NRXN1: variants seen among roughly 807,000 people sequenced by gnomAD.
The protein encoded by NRXN1 is neurexin 1.
A neutral mutation model predicts 150.9 loss-of-function variants in NRXN1; 39 were observed. That is an observed-to-expected ratio of 0.26 (90% confidence interval 0.20 to 0.34). The LOEUF (loss-of-function observed/expected upper bound fraction) is 0.34, where lower values mean the gene tolerates loss of function less well. Ranked by LOEUF, NRXN1 falls within the 10% of genes least tolerant of loss-of-function variation. The pLI is 1.00. For missense variants in NRXN1, 1,815 were observed against 1,949.9 expected, an observed-to-expected ratio of 0.93 and a Z score of 1.30; for synonymous variants, 924 against 757.0, an observed-to-expected ratio of 1.22 and a Z score of -3.62.
chr2:50,619,768 C>A (rs1679661583), intron 8 of NRXN1: 1 of 416,484 alleles, frequency 2.4e-6, no homozygotes, highest in South Asian at 1.2e-4. Flanking sequence ...TCTTTTATAG[C>A]TAATATCAAC....
At chr2:50,545,695 T>G (rs780194262) in intron 9 of NRXN1, among the ~76,000 whole-genome samples, 1 of 152,152 alleles carries the variant, frequency 6.6e-6, no homozygotes, top group Non-Finnish European at 1.5e-5. Context: ...TATAATCAAA[T>G]ATTACTTATT....
chr2:50,323,654 G>T (rs1057198309), intron 17 of NRXN1, among the ~76,000 whole-genome samples: 10 of 151,604 alleles, frequency 6.6e-5, no homozygotes, highest in African/African-American at 2.4e-4. Flanking sequence ...CCTTACAAAT[G>T]GTTCAGTGAA....
At chr2:50,040,387 C>T (rs541586221) in intron 21 of NRXN1, among the ~76,000 whole-genome samples, 8 of 150,938 alleles carry the variant, frequency 5.3e-5, no homozygotes, top group African/African-American at 1.9e-4. Flanking sequence ...ATTTTATACA[C>T]ATACAGACAT....
chr2:50,070,519 C>T (rs1317417623), intron 19 of NRXN1, among the ~76,000 whole-genome samples: 1 of 151,796 alleles, frequency 6.6e-6, no homozygotes, highest in Admixed American at 6.6e-5. Flanking sequence ...GCCTGTAATC[C>T]CAGCACTTTG....
At chr2:50,811,337 G>A (rs1028759402) in intron 5 of NRXN1, among the ~76,000 whole-genome samples, 4 of 152,080 alleles carry the variant, frequency 2.6e-5, no homozygotes, top group African/African-American at 4.8e-5. Context: ...AGTATTGTCT[G>A]CAACCAAGAT....
Position 50,328,367 on chromosome 2 carries a change from C to T in NRXN1, c.3365-91397G>A, listed in dbSNP as rs185213195. Among the ~76,000 whole-genome samples, 237 of 152,260 alleles carry T rather than the reference C, an allele frequency of 1.6e-3. 2 individuals are homozygous for T. Among genetic ancestry groups the T allele is most frequent in the African/African-American group, 5.4e-3 (223 of 41,554 alleles). On this transcript the variant is annotated intron_variant, in intron 17 of 22. Coordinates refer to ENST00000401669, the MANE Select transcript of NRXN1 (RefSeq NM_001330078.2). The stretch of plus-strand genomic sequence containing the variant: ...AACACCTCAGCACCAAGGCTAGTAA[C>T]AGAAGAGATGAATGACTTAATAACA...
At chr2:50,780,299 C>T (rs996815669) in intron 5 of NRXN1, among the ~76,000 whole-genome samples, 7 of 152,064 alleles carry the variant, frequency 4.6e-5, no homozygotes, top group Non-Finnish European at 1.0e-4. Context: ...ATACAGATTG[C>T]TTTGTAATGT....
chr2:50,738,894 G>A (rs2105256765), intron 5 of NRXN1, among the ~76,000 whole-genome samples: 1 of 152,258 alleles, frequency 6.6e-6, no homozygotes, highest in South Asian at 2.1e-4. Flanking sequence ...TGCATAGCAA[G>A]AAGAGTTCTG....
intron 18 of NRXN1, among the ~76,000 whole-genome samples, chr2:50,130,570 A>G (rs1705318774): frequency 6.6e-6 from 1 of 152,194 alleles, no homozygotes; most frequent in Non-Finnish European, 1.5e-5. Context: ...ATGCTGTTAC[A>G]TAATATATTC....
chr2:50,367,991 T>C (rs1054198434), intron 17 of NRXN1, among the ~76,000 whole-genome samples: 1 of 152,030 alleles, frequency 6.6e-6, no homozygotes, highest in Non-Finnish European at 1.5e-5. Flanking sequence ...ATTAAATGTA[T>C]ACAAGCAACA....
At chr2:50,631,832 TTCAATTTCTGGGACTGAC>T (rs1189366200) in intron 5 of NRXN1, among the ~76,000 whole-genome samples, 3 of 151,882 alleles carry the variant, frequency 2.0e-5, no homozygotes, top group Non-Finnish European at 4.4e-5. Flanking sequence ...TGTGCAACAT[TTCAATTTCTGGGACTGAC>T]TCAGATTCAA....
intron 21 of NRXN1, among the ~76,000 whole-genome samples, chr2:49,955,850 T>A (rs1173284613): frequency 1.3e-5 from 2 of 152,114 alleles, no homozygotes; most frequent in Non-Finnish European, 2.9e-5. Context: ...ACTAATCAAA[T>A]CTATATCTAC....
chr2:50,230,569 G>A (rs1299177956), intron 18 of NRXN1, among the ~76,000 whole-genome samples: 3 of 152,008 alleles, frequency 2.0e-5, no homozygotes, highest in African/African-American at 7.2e-5. Context: ...GAGAAAGTGA[G>A]GCAGCAGTAC....
intron 21 of NRXN1, among the ~76,000 whole-genome samples, chr2:49,968,541 C>T (rs184075088): frequency 7.2e-5 from 11 of 152,104 alleles, no homozygotes; most frequent in Admixed American, 2.0e-4. Flanking sequence ...CTAGTACCCT[C>T]GGTGTCCGTA....
chr2:51,006,774 T>G (rs1048888098), intron 2 of NRXN1, among the ~76,000 whole-genome samples: 1 of 151,888 alleles, frequency 6.6e-6, no homozygotes, highest in Non-Finnish European at 1.5e-5. Context: ...TTCAAATGAG[T>G]AAGTGTCTTT....
chr2:50,587,783 GATATAC>G (rs1269759775), intron 8 of NRXN1, among the ~76,000 whole-genome samples: 1 of 152,016 alleles, frequency 6.6e-6, no homozygotes, highest in African/African-American at 2.4e-5. Flanking sequence ...TTATGAAAGT[GATATAC>G]ATATAAATGG....
At chr2:50,982,894 G>A (rs1156686815) in intron 2 of NRXN1, among the ~76,000 whole-genome samples, 1 of 151,784 alleles carries the variant, frequency 6.6e-6, no homozygotes, top group Non-Finnish European at 1.5e-5. Flanking sequence ...ACACCTAACT[G>A]ACAAATTCCT....
At chr2:50,689,854 T>TG (rs1691803314) in intron 5 of NRXN1, among the ~76,000 whole-genome samples, 2 of 135,290 alleles carry the variant, frequency 1.5e-5, no homozygotes, top group Non-Finnish European at 3.2e-5. Context: ...TTTTGCTTAT[T>TG]TGTGTGTGTG....
At chr2:50,901,118 AT>A (rs1304556365) in intron 5 of NRXN1, among the ~76,000 whole-genome samples, 8 of 152,066 alleles carry the variant, frequency 5.3e-5, no homozygotes, top group African/African-American at 1.9e-4. Context: ...GTTTCATACC[AT>A]TAAAATGTGA....
Sources: gnomAD v4.1 joint callset for allele counts (sites outside exome capture counted in the v4.1 genomes callset) on GRCh38, gnomAD v4.1.1 for gene constraint, MANE v1.5 for transcripts, NCBI Gene and HGNC (gene_info 2026-07-23, HGNC 2026-07-21) for gene names.